SLC22A24: variants seen among roughly 807,000 people sequenced by gnomAD.
SLC22A24 encodes steroid transmembrane transporter SLC22A24.
A neutral mutation model predicts 49.8 loss-of-function variants in SLC22A24; 53 were observed. The observed-to-expected ratio is 1.06, with a 90% CI of 0.85 to 1.34. The LOEUF is 1.34. SLC22A24 is among the 40% of genes most tolerant of loss of function. The probability of loss-of-function intolerance (pLI) is 0.00; values close to 1 mark genes in which losing one functional copy is unlikely to be tolerated. For missense variants in SLC22A24, 786 were observed against 675.9 expected (o/e 1.16, Z -1.81); for synonymous variants, 302 against 256.4 (o/e 1.18, Z -1.70).
intron 1 of SLC22A24, among the ~76,000 whole-genome samples, chr11:63,136,887 T>C (rs1282470223): frequency 6.6e-6 from 1 of 152,110 alleles, no homozygotes; most frequent in Non-Finnish European, 1.5e-5. Context: ...TGTACATGGG[T>C]TTAATTGCAA....
intron 2 of SLC22A24, among the ~76,000 whole-genome samples, chr11:63,120,360 G>A (rs2087242988): frequency 1.3e-5 from 2 of 150,106 alleles, no homozygotes; most frequent in African/African-American, 4.9e-5. Flanking sequence ...GCTAGATGAC[G>A]AGTTAGTGGG....
chr11:63,124,721 A>T (rs910078493), intron 2 of SLC22A24, among the ~76,000 whole-genome samples: 2 of 152,170 alleles, frequency 1.3e-5, no homozygotes, highest in African/African-American at 4.8e-5. Context: ...TCCCTTATTA[A>T]ACATTTCAAA....
At chr11:63,102,546 T>G (rs556073688) in intron 5 of SLC22A24, among the ~76,000 whole-genome samples, 43 of 152,268 alleles carry the variant, frequency 2.8e-4, no homozygotes, top group African/African-American at 9.4e-4. Flanking sequence ...TGATCTGCCA[T>G]GTTTTTGAGA....
At chr11:63,080,061 A>G in intron 9 of SLC22A24, 61 bp from the exon 10 acceptor site, 1 of 1,120,532 alleles carries the variant, frequency 8.9e-7, no homozygotes, top group Non-Finnish European at 1.3e-6. Flanking sequence ...TAAGATATAG[A>G]TTAAGCATAT....
intron 1 of SLC22A24, among the ~76,000 whole-genome samples, chr11:63,141,086 T>C (rs2087412504): frequency 6.6e-6 from 1 of 152,116 alleles, no homozygotes; most frequent in African/African-American, 2.4e-5. Context: ...TCTTAGAAAA[T>C]TGATGTGCTG....
intron 5 of SLC22A24, among the ~76,000 whole-genome samples, chr11:63,100,165 A>G (rs2087081970): frequency 1.3e-5 from 2 of 152,188 alleles, no homozygotes; most frequent in Admixed American, 6.6e-5. Flanking sequence ...ATAAGCTTAT[A>G]TTTGGGAAAG....
intron 6 of SLC22A24, among the ~76,000 whole-genome samples, chr11:63,091,487 AC>A (rs2087020235): frequency 6.6e-6 from 1 of 152,238 alleles, no homozygotes; most frequent in Non-Finnish European, 1.5e-5. Context: ...TCCCTGGTGA[AC>A]ATCGATGAGA....
At chr11:63,106,255 C>T (rs1403902631) in intron 4 of SLC22A24, among the ~76,000 whole-genome samples, 3 of 152,216 alleles carry the variant, frequency 2.0e-5, no homozygotes, top group East Asian at 3.9e-4. Context: ...ATACAAAGGA[C>T]ATGAACTCAT....
chr11:63,083,007 C>T (rs2086967945), intron 7 of SLC22A24, among the ~76,000 whole-genome samples: 1 of 152,214 alleles, frequency 6.6e-6, no homozygotes, highest in African/African-American at 2.4e-5. Context: ...TTCATCTTGG[C>T]TGTGATGAAG....
At chr11:63,118,675 T>C (rs1565334258) in intron 4 of SLC22A24, 4 of 540,978 alleles carry the variant, frequency 7.4e-6, no homozygotes, top group Non-Finnish European at 9.8e-6. Context: ...TTTTTTCTAT[T>C]AAGAAAAATA....
chr11:63,096,070 C>A lies in SLC22A24; in HGVS notation c.991G>T (p.Val331Phe). ...GAAAAAATGGATGTTTTAATTCGGA[C>A]TGCATCCAACTCCTTCTTCATGGTG... ...RSTMKKELDAVRIKTSIFSLF... is the reference protein window; with the variant it reads ...RSTMKKELDAFRIKTSIFSLF... The change falls in exon 6 of 10, where the codon GTC becomes TTC. Residue 331 changes from valine (V) to phenylalanine (F), a missense_variant. Val to Phe is a conservative substitution (Grantham distance 50, BLOSUM62 -1). Transcript: ENST00000612278. 6.4e-7 allele frequency: 1 copy of A among 1,550,804 alleles called. No individual in the cohort carries two copies. Among genetic ancestry groups the A allele is most frequent in the Middle Eastern group, 1.7e-4 (1 of 5,988 alleles).
At chr11:63,090,430 T>C (rs2087013121) in intron 6 of SLC22A24, among the ~76,000 whole-genome samples, 1 of 152,222 alleles carries the variant, frequency 6.6e-6, no homozygotes, top group Admixed American at 6.5e-5. Flanking sequence ...ACACAGCATG[T>C]ATTCTAAAAT....
chr11:63,139,803 C>T (rs2087401709), intron 1 of SLC22A24, among the ~76,000 whole-genome samples: 1 of 152,126 alleles, frequency 6.6e-6, no homozygotes. Flanking sequence ...TGCATGCTCT[C>T]CTGGCCCTTT....
intron 4 of SLC22A24, among the ~76,000 whole-genome samples, chr11:63,107,966 C>G (rs1441087061): frequency 6.6e-6 from 1 of 152,074 alleles, no homozygotes; most frequent in African/African-American, 2.4e-5. Flanking sequence ...ACTTCCAACA[C>G]TATGTTGAAT....
intron 2 of SLC22A24, among the ~76,000 whole-genome samples, chr11:63,129,198 A>G (rs1238298054): frequency 2.0e-5 from 3 of 152,224 alleles, no homozygotes; most frequent in Non-Finnish European, 4.4e-5. Context: ...ACGTATGGCT[A>G]GCCAGTTTTC....
chr11:63,113,243 TAC>T (rs2087187750), intron 4 of SLC22A24, among the ~76,000 whole-genome samples: 2 of 138,670 alleles, frequency 1.4e-5, no homozygotes, highest in African/African-American at 5.6e-5. Flanking sequence ...TATATATATA[TAC>T]ACACATACAC....
At chr11:63,093,058 G>A (rs2087030576) in intron 6 of SLC22A24, among the ~76,000 whole-genome samples, 1 of 152,104 alleles carries the variant, frequency 6.6e-6, no homozygotes, top group African/African-American at 2.4e-5. Flanking sequence ...CTCAAAAGAA[G>A]ACATTTATGT....
chr11:63,106,512 A>T (rs1041988696), intron 4 of SLC22A24, among the ~76,000 whole-genome samples: 1 of 152,152 alleles, frequency 6.6e-6, no homozygotes, highest in Admixed American at 6.5e-5. Flanking sequence ...CACCACACTG[A>T]CTTCCACAAT....
At chr11:63,080,569 T>C (rs948505329) in intron 9 of SLC22A24, among the ~76,000 whole-genome samples, 2 of 152,210 alleles carry the variant, frequency 1.3e-5, no homozygotes, top group African/African-American at 4.8e-5. Context: ...AACCAGGGGA[T>C]GAGAATGAGG....
Sources: allele counts gnomAD v4.1 joint callset (sites outside exome capture counted in the v4.1 genomes callset), GRCh38; gene constraint gnomAD v4.1.1; transcripts MANE v1.5; gene names NCBI Gene and HGNC (gene_info 2026-07-23, HGNC 2026-07-21).